EYS: variants seen among roughly 807,000 people sequenced by gnomAD.
EYS encodes the protein EGF-like photoreceptor maintenance factor.
Under a neutral mutation model 282.1 loss-of-function variants are expected in EYS, and 250 were observed. The ratio of observed to expected loss-of-function variants is 0.89; its 90% CI spans 0.80 to 0.98. The LOEUF (loss-of-function observed/expected upper bound fraction) is 0.98, where lower values mean the gene tolerates loss of function less well. Among genes scored for constraint, EYS ranks in the 50% least tolerant of loss-of-function variants. The pLI is 0.00. For synonymous variants in EYS, 1,355 were observed against 1,282.9 expected (o/e 1.06, Z -1.20); for missense variants, 4,016 against 3,709.0 (o/e 1.08, Z -2.15).
intron 32 of EYS, among the ~76,000 whole-genome samples, chr6:64,067,740 G>T (rs190066835): frequency 6.6e-6 from 1 of 152,234 alleles, no homozygotes; most frequent in East Asian, 1.9e-4. Flanking sequence ...ACAGTTTCAG[G>T]TGGATCTTGG....
At chr6:63,917,754 G>C (rs16894675) in intron 35 of EYS, among the ~76,000 whole-genome samples, 1,875 of 152,268 alleles carry the variant, frequency 0.012, 34 homozygotes, top group African/African-American at 0.043. Flanking sequence ...CCAATTTTTA[G>C]GGTAGACAGA....
At chr6:64,605,114 T>C (rs920728124) in intron 24 of EYS, among the ~76,000 whole-genome samples, 1 of 152,002 alleles carries the variant, frequency 6.6e-6, no homozygotes, top group African/African-American at 2.4e-5. Flanking sequence ...TGAATATTGA[T>C]TTTTCTTATT....
At chr6:64,748,016 A>C (rs1562169092) in intron 22 of EYS, among the ~76,000 whole-genome samples, 2 of 152,198 alleles carry the variant, frequency 1.3e-5, no homozygotes, top group Non-Finnish European at 2.9e-5. Flanking sequence ...CATTTATACC[A>C]ACCAAGGTAG....
At chr6:64,543,888 A>C (rs2149800619) in intron 26 of EYS, among the ~76,000 whole-genome samples, 1 of 152,332 alleles carries the variant, frequency 6.6e-6, no homozygotes, top group South Asian at 2.1e-4. Flanking sequence ...TATCACAAAG[A>C]GAAACTTGTA....
intron 31 of EYS, among the ~76,000 whole-genome samples, chr6:64,088,437 T>C (rs1421437441): frequency 1.3e-5 from 2 of 152,000 alleles, no homozygotes; most frequent in Non-Finnish European, 2.9e-5. Flanking sequence ...TATAGACTTA[T>C]CAAACTAATT....
chr6:63,822,444 T>C (rs1454475426), intron 36 of EYS: 2 of 152,154 alleles, frequency 1.3e-5, no homozygotes, highest in Admixed American at 1.3e-4. Context: ...GCAGATAGAT[T>C]TACCTATCAT....
intron 2 of EYS, among the ~76,000 whole-genome samples, chr6:65,621,551 A>G (rs1008190134): frequency 6.6e-6 from 1 of 150,500 alleles, no homozygotes; most frequent in Non-Finnish European, 1.5e-5. Flanking sequence ...TAGTCCATTT[A>G]CATTTAAAGT....
chr6:65,446,541 C>T (rs1246036434), intron 5 of EYS, among the ~76,000 whole-genome samples: 1 of 151,822 alleles, frequency 6.6e-6, no homozygotes, highest in Non-Finnish European at 1.5e-5. Flanking sequence ...GTTGTGCTAG[C>T]TGTTAAGTTC....
intron 10 of EYS, among the ~76,000 whole-genome samples, chr6:65,337,207 A>G (rs543897915): frequency 2.0e-5 from 3 of 151,504 alleles, no homozygotes; most frequent in Non-Finnish European, 4.4e-5. Context: ...AGAAAGTCAA[A>G]TCTACTAGGA....
Position 64,275,998 on chromosome 6 carries a change from C to G in EYS, c.6191+30972G>C, listed in dbSNP as rs144561826. 6.2e-3 allele frequency among the ~76,000 whole-genome samples: 947 copies of G among 151,644 alleles called. 3 individuals carry two copies. Among genetic ancestry groups the G allele is most frequent in the Non-Finnish European group, 0.01 (682 of 67,904 alleles). On this transcript the variant is annotated intron_variant, in intron 30 of 42. Coordinates refer to ENST00000503581, the MANE Select transcript of EYS (RefSeq NM_001142800.2). ...AAAAAGCTTATTGCCTTAAGAGATA[C>G]ATTCCAATCACACTACTGTTATAGC... is the stretch of plus-strand genomic sequence containing the variant.
intron 16 of EYS, among the ~76,000 whole-genome samples, chr6:64,906,766 T>C (rs1233453944): frequency 2.6e-5 from 4 of 152,192 alleles, no homozygotes; most frequent in Non-Finnish European, 5.9e-5. Context: ...AAAGTAGCTA[T>C]TTTAGAAACT....
chr6:64,292,231 T>G (rs1768740989), intron 30 of EYS, among the ~76,000 whole-genome samples: 1 of 152,156 alleles, frequency 6.6e-6, no homozygotes, highest in African/African-American at 2.4e-5. Flanking sequence ...GCAGAGGCAC[T>G]CTTTCTGGAG....
chr6:64,364,334 TC>T (rs1772121855), intron 29 of EYS, among the ~76,000 whole-genome samples: 1 of 151,940 alleles, frequency 6.6e-6, no homozygotes, highest in Non-Finnish European at 1.5e-5. Context: ...GGATTTAAAC[TC>T]TATGATCTCT....
At chr6:64,452,582 G>A (rs539883875) in intron 26 of EYS, among the ~76,000 whole-genome samples, 24 of 152,196 alleles carry the variant, frequency 1.6e-4, no homozygotes, top group African/African-American at 5.5e-4. Flanking sequence ...CAAAGCTGGA[G>A]GCATCACACT....
chr6:64,802,022 TCTTTTTTTTTC>T (rs1476905650), intron 22 of EYS, among the ~76,000 whole-genome samples: 7 of 131,650 alleles, frequency 5.3e-5, no homozygotes, highest in Admixed American at 3.0e-4. Flanking sequence ...AATTTCTTTT[TCTTTTTTTTTC>T]TTTTTTTTTT....
At chr6:65,297,699 C>T (rs955673262) in intron 11 of EYS, among the ~76,000 whole-genome samples, 1 of 151,886 alleles carries the variant, frequency 6.6e-6, no homozygotes, top group African/African-American at 2.4e-5. Flanking sequence ...TAACTGTTAC[C>T]TACTATATCA....
chr6:64,930,595 GTTA>G (rs995704353), intron 15 of EYS, among the ~76,000 whole-genome samples: 1 of 151,488 alleles, frequency 6.6e-6, no homozygotes, highest in African/African-American at 2.4e-5. Flanking sequence ...GACTTTTTCA[GTTA>G]TTATATCCAT....
intron 26 of EYS, among the ~76,000 whole-genome samples, chr6:64,547,750 T>C (rs1457716578): frequency 6.6e-6 from 1 of 152,166 alleles, no homozygotes; most frequent in African/African-American, 2.4e-5. Context: ...GGGTGGTCGA[T>C]GGGACTGGGC....
At chr6:65,567,931 C>A (rs1052840275) in intron 2 of EYS, among the ~76,000 whole-genome samples, 14 of 152,070 alleles carry the variant, frequency 9.2e-5, no homozygotes, top group African/African-American at 3.4e-4. Context: ...ACATGCTGAA[C>A]TGAAGATGAA....
Sources: gnomAD v4.1 joint callset for allele counts (sites outside exome capture counted in the v4.1 genomes callset) on GRCh38, gnomAD v4.1.1 for gene constraint, MANE v1.5 for transcripts, NCBI Gene and HGNC (gene_info 2026-07-23, HGNC 2026-07-21) for gene names.